TMEM114: variants seen among roughly 807,000 people sequenced by gnomAD.
TMEM114 encodes the protein claudin-26.
A neutral mutation model predicts 6.2 loss-of-function variants in TMEM114; 6 were observed. The ratio of observed to expected loss-of-function variants is 0.97; its 90% CI spans 0.53 to 1.91. The LOEUF is 1.91. Ranked by LOEUF, TMEM114 falls within the 40% of genes most tolerant of loss-of-function variation. The probability of loss-of-function intolerance (pLI) is 0.01; values close to 1 mark genes in which losing one functional copy is unlikely to be tolerated. For synonymous variants in TMEM114, 104 were observed against 73.0 expected, an observed-to-expected ratio of 1.42 and a Z score of -2.16; for missense variants, 218 against 158.3, an observed-to-expected ratio of 1.38 and a Z score of -2.02.
At chr16:8,544,932 C>A (rs576947125) in intron 2 of TMEM114, among the ~76,000 whole-genome samples, 1 of 152,100 alleles carries the variant, frequency 6.6e-6, no homozygotes, top group South Asian at 2.1e-4. Context: ...CTCTCTCTCT[C>A]TCTCTCTCTC....
At chr16:8,586,258 C>A (rs569841799) in intron 2 of TMEM114, among the ~76,000 whole-genome samples, 1 of 152,322 alleles carries the variant, frequency 6.6e-6, no homozygotes, top group South Asian at 2.1e-4. Context: ...TCCTTTCTGA[C>A]AAGTCTGGTC....
At chr16:8,566,946 G>C (rs1221933760), downstream of TMEM114, among the ~76,000 whole-genome samples, 1 of 140,866 alleles carries the variant, frequency 7.1e-6, no homozygotes, top group East Asian at 2.1e-4. Context: ...TGTCACCCAG[G>C]CTGGAGCGCA....
chr16:8,531,503 G>C, the TMEM114 span, among the ~76,000 whole-genome samples: 1 of 152,166 alleles, frequency 6.6e-6, no homozygotes, highest in African/African-American at 2.4e-5. Flanking sequence ...TTTCTTCAAG[G>C]AGTGGGCACT....
chr16:8,569,925 C>T lies in TMEM114; in HGVS notation c.520G>A (p.Glu174Lys), dbSNP rs1255898481. 6.4e-7 allele frequency: 1 copy of T among 1,551,192 alleles called. No individual in the cohort carries two copies. The highest frequency in any genetic ancestry group is 1.2e-5 in the South Asian group (1 of 84,066). Residue 174 changes from glutamate to lysine, a missense_variant, in exon 4 of 4, where the codon GAG (glutamate) becomes AAG (lysine). Glu to Lys is a moderately conservative substitution (Grantham distance 56, BLOSUM62 1). Coordinates refer to ENST00000620492, the MANE Select transcript of TMEM114 (RefSeq NM_001146336.2). The stretch of plus-strand genomic sequence containing the variant: ...TCCACCTGGTCCAGGAGGGCCTTCT[C>T]CTCCAAGAGACACAGCGCCTCCCGG... ...AFREALCLLE[E>K]KALLDQVDIS...
downstream of TMEM114, among the ~76,000 whole-genome samples, chr16:8,567,804 C>A (rs142844985): frequency 2.0e-5 from 3 of 152,180 alleles, no homozygotes; most frequent in Admixed American, 6.5e-5. Context: ...AGCAGTTCCA[C>A]AATACGACCA....
intron 2 of TMEM114, among the ~76,000 whole-genome samples, chr16:8,579,696 C>A (rs754685235): frequency 3.9e-5 from 6 of 152,162 alleles, no homozygotes; most frequent in Admixed American, 6.5e-5. Context: ...TATGAGAATA[C>A]TTGTCTCTTT....
chr16:8,574,524 A>G (rs1011364078), intron 2 of TMEM114, among the ~76,000 whole-genome samples: 1 of 151,534 alleles, frequency 6.6e-6, no homozygotes, highest in Non-Finnish European at 1.5e-5. Flanking sequence ...AAATGTGATT[A>G]CAGGGGATGA....
At chr16:8,563,779 GAC>G in intron 2 of TMEM114, among the ~76,000 whole-genome samples, 1 of 104,350 alleles carries the variant, frequency 9.6e-6, no homozygotes, top group Non-Finnish European at 2.4e-5. Context: ...GTGAGTGAAT[GAC>G]TGAGTGAGTA....
At chr16:8,538,293 A>AT (rs1236610462) in intron 2 of TMEM114, among the ~76,000 whole-genome samples, 5 of 150,980 alleles carry the variant, frequency 3.3e-5, no homozygotes, top group South Asian at 2.1e-4. Context: ...TGTCTCAAAA[A>AT]TAAAAAAAAA....
At chr16:8,574,929 A>T (rs1407542641) in intron 2 of TMEM114, among the ~76,000 whole-genome samples, 2 of 151,842 alleles carry the variant, frequency 1.3e-5, no homozygotes, top group Non-Finnish European at 2.9e-5. Flanking sequence ...TCTTTGCTAC[A>T]TTTTTTTCCC....
At chr16:8,558,876 G>T (rs527601307) in intron 2 of TMEM114, among the ~76,000 whole-genome samples, 111 of 151,310 alleles carry the variant, frequency 7.3e-4, no homozygotes, top group South Asian at 6.5e-3. Flanking sequence ...GAGTAGCTGG[G>T]ACTGCAGGCA....
At position 8,569,880 on chromosome 16, in the gene TMEM114, G is replaced by A; in HGVS notation, c.565C>T (p.Leu189=). The A allele has an allele frequency of 6.4e-7, 1 of 1,551,194 alleles. No homozygotes were observed. ...DQVDISFGWS[L]ALGWISFIAE... ...ATGAAGCTGATCCAGCCCAGGGCCA[G>A]GGACCAGCCGAAGCTGATGTCCACC... The change falls in exon 4 of 4, where the codon CTG becomes TTG. Residue 189 remains leucine (L), a synonymous_variant. Coordinates refer to ENST00000620492, the MANE Select transcript of TMEM114 (RefSeq NM_001146336.2).
intron 2 of TMEM114, among the ~76,000 whole-genome samples, chr16:8,538,561 G>A (rs1374471342): frequency 3.9e-5 from 6 of 151,908 alleles, no homozygotes; most frequent in Admixed American, 6.6e-5. Flanking sequence ...AGGCTGGAGT[G>A]CAGTGGTGCG....
At chr16:8,568,465 G>A (rs1408405727), downstream of TMEM114, among the ~76,000 whole-genome samples, 1 of 151,714 alleles carries the variant, frequency 6.6e-6, no homozygotes, top group African/African-American at 2.4e-5. Context: ...ATGATGTCAT[G>A]ATGTTTGTTG....
the TMEM114 span, among the ~76,000 whole-genome samples, chr16:8,531,509 G>C: frequency 9.9e-5 from 15 of 152,176 alleles, no homozygotes; most frequent in Admixed American, 9.8e-4. Flanking sequence ...CAAGGAGTGG[G>C]CACTGAAGGA....
intron 3 of TMEM114, 116 bp downstream of exon 3, chr16:8,571,971 G>A (rs1901748927): frequency 1.6e-6 from 2 of 1,285,996 alleles, no homozygotes; most frequent in Admixed American, 3.2e-5. Flanking sequence ...CCCAGAAGGG[G>A]AAACTGAACC....
chr16:8,529,737 A>AT, the TMEM114 span, among the ~76,000 whole-genome samples: 6 of 152,100 alleles, frequency 3.9e-5, no homozygotes, highest in African/African-American at 1.4e-4. Flanking sequence ...CTTAAAAAAA[A>AT]AAAAAAAGTC....
At chr16:8,569,009 G>A (rs901014291), downstream of TMEM114, among the ~76,000 whole-genome samples, 2 of 152,212 alleles carry the variant, frequency 1.3e-5, no homozygotes, top group Non-Finnish European at 2.9e-5. Flanking sequence ...GAGTTTTTGG[G>A]CTTCACCCAG....
At chr16:8,586,857 C>A (rs1902338424) in intron 2 of TMEM114, among the ~76,000 whole-genome samples, 1 of 152,168 alleles carries the variant, frequency 6.6e-6, no homozygotes, top group Non-Finnish European at 1.5e-5. Context: ...CTCACAGTTT[C>A]CCCTTGTGCA....
Sources: allele counts gnomAD v4.1 joint callset (sites outside exome capture counted in the v4.1 genomes callset), GRCh38; gene constraint gnomAD v4.1.1; transcripts MANE v1.5; gene names NCBI Gene and HGNC (gene_info 2026-07-23, HGNC 2026-07-21).